The following CHRM3 variants were observed in gnomAD, a reference collection of about 807,000 sequenced individuals.
CHRM3 encodes the protein cholinergic receptor muscarinic 3, also known as muscarinic acetylcholine receptor M3.
A neutral mutation model predicts 41.8 loss-of-function variants in CHRM3; 11 were observed. The observed-to-expected ratio is 0.26, with a 90% confidence interval of 0.17 to 0.44. The LOEUF is 0.44. Ranked by LOEUF, CHRM3 falls within the 20% of genes least tolerant of loss-of-function variation. CHRM3 has a pLI of 1.00. For missense variants in CHRM3, 571 were observed against 745.4 expected, an observed-to-expected ratio of 0.77 and a Z score of 2.72; for synonymous variants, 297 against 301.4, an observed-to-expected ratio of 0.99 and a Z score of 0.15.
intron 6 of CHRM3, among the ~76,000 whole-genome samples, chr1:239,885,134 A>C (rs1327687452): frequency 6.6e-6 from 1 of 152,330 alleles, no homozygotes; most frequent in Admixed American, 6.5e-5. Flanking sequence ...AGGAATAAAA[A>C]ATAATTGATA....
At chr1:239,794,938 A>G (rs1351824676) in intron 5 of CHRM3, among the ~76,000 whole-genome samples, 1 of 152,168 alleles carries the variant, frequency 6.6e-6, no homozygotes, top group Non-Finnish European at 1.5e-5. Flanking sequence ...CTCTGTAAAT[A>G]TCTGATATTG....
intron 6 of CHRM3, among the ~76,000 whole-genome samples, chr1:239,878,200 A>G (rs1352651075): frequency 6.6e-6 from 1 of 152,010 alleles, no homozygotes; most frequent in Non-Finnish European, 1.5e-5. Context: ...TGAAATAATT[A>G]TACAATTCAC....
chr1:239,418,333 T>TTGTG lies in CHRM3; in HGVS notation c.-521+31124_-521+31127dup, dbSNP rs145265251. On this transcript the variant is annotated intron_variant, in intron 1 of 6. Coordinates refer to ENST00000676153, the MANE Select transcript of CHRM3 (RefSeq NM_001375978.1). ...CTTTTAGCAGTGCTTAGATGTTGCT[T>TTGTG]TGTGTGTGTGTGTGTGTGTGTATCT... is the stretch of plus-strand genomic sequence containing the variant. 6.9e-3 allele frequency among the ~76,000 whole-genome samples: 1,046 copies of TTGTG among 150,518 alleles called. 4 individuals are homozygous for TTGTG. The highest frequency in any genetic ancestry group is 0.022 in the African/African-American group (905 of 41,168).
intron 5 of CHRM3, among the ~76,000 whole-genome samples, chr1:239,794,822 C>T (rs960622224): frequency 1.3e-5 from 2 of 152,146 alleles, no homozygotes; most frequent in Admixed American, 1.3e-4. Flanking sequence ...TGTTCTGTTA[C>T]TTATTTTCAA....
rs527630668 is a variant in CHRM3, at chr1:239,531,873, T to A, written c.-421-13768T>A. On this transcript the variant is annotated intron_variant, in intron 2 of 6. Transcript: ENST00000676153. ...ACGGGGTTTCACTGTGTTAGCCAGG[T>A]TGGTCTCAATCTCCTGACCTCGTGA... Among the ~76,000 whole-genome samples the A allele has an allele frequency of 4.5e-3, 669 of 149,398 alleles. 1 individual carries two copies. Among genetic ancestry groups the A allele is most frequent in the Non-Finnish European group, 6.9e-3 (465 of 67,280 alleles).
At chr1:239,543,055 G>T (rs965328018) in intron 2 of CHRM3, among the ~76,000 whole-genome samples, 3 of 152,094 alleles carry the variant, frequency 2.0e-5, no homozygotes, top group African/African-American at 7.2e-5. Flanking sequence ...TCTGTTTGTT[G>T]TTATCATCAC....
Position 239,644,753 on chromosome 1 carries a change from G to C in CHRM3, c.-250+12467G>C, listed in dbSNP as rs572771574. Among the ~76,000 whole-genome samples, 45 of 152,302 alleles carry C rather than the reference G, an allele frequency of 3.0e-4. No individual in the cohort carries two copies. The South Asian group carries it at 8.9e-3, about 30-fold the overall frequency. Reference sequence around the variant, plus strand: ...ATACAGATGGTGATTCAGAAGGGCTGAGCTTTTGTATTTCTGACAAGCTTT... The same window carrying C: ...ATACAGATGGTGATTCAGAAGGGCTCAGCTTTTGTATTTCTGACAAGCTTT... On this transcript the variant is annotated intron_variant, in intron 4 of 6. Coordinates refer to ENST00000676153, the MANE Select transcript of CHRM3 (RefSeq NM_001375978.1).
chr1:239,555,680 G>A lies in CHRM3; in HGVS notation c.-313+9931G>A, dbSNP rs576835310. The stretch of plus-strand genomic sequence containing the variant: ...CTTAATCTGCATGCAATTAAAAGTA[G>A]GTATAAATATGATTAAAGAACTGCC... On this transcript the variant is annotated intron_variant, in intron 3 of 6. Coordinates refer to ENST00000676153, the MANE Select transcript of CHRM3 (RefSeq NM_001375978.1). 2.0e-5 allele frequency among the ~76,000 whole-genome samples: 3 copies of A among 152,280 alleles called. No homozygotes were observed. The East Asian group carries it at 5.8e-4, about 29-fold the overall frequency.
At chr1:239,761,250 A>C (rs686360) in intron 5 of CHRM3, among the ~76,000 whole-genome samples, 6 of 151,808 alleles carry the variant, frequency 4.0e-5, no homozygotes, top group African/African-American at 1.2e-4. Context: ...TTTATGCCTT[A>C]TATGATTTTC....
chr1:239,810,816 C>T (rs552748737), intron 5 of CHRM3, among the ~76,000 whole-genome samples: 1 of 152,334 alleles, frequency 6.6e-6, no homozygotes, highest in African/African-American at 2.4e-5. Flanking sequence ...CAGTAGTTGT[C>T]CTCATTTGAC....
intron 1 of CHRM3, among the ~76,000 whole-genome samples, chr1:239,398,428 G>A (rs990189148): frequency 1.3e-5 from 2 of 151,558 alleles, no homozygotes; most frequent in Admixed American, 1.3e-4. Flanking sequence ...TAGAAACGGG[G>A]TTTCACCATG....
At chr1:239,505,301 TGA>T (rs1668497310) in intron 2 of CHRM3, among the ~76,000 whole-genome samples, 3 of 151,420 alleles carry the variant, frequency 2.0e-5, no homozygotes, top group Non-Finnish European at 4.4e-5. Flanking sequence ...ATGATGATGA[TGA>T]TGATTGATAT....
At chr1:239,593,286 A>AT (rs1172477907) in intron 3 of CHRM3, among the ~76,000 whole-genome samples, 3 of 151,792 alleles carry the variant, frequency 2.0e-5, no homozygotes, top group Non-Finnish European at 2.9e-5. Flanking sequence ...TAGCCCTGCC[A>AT]TTTTTTTCCT....
At chr1:239,399,599 T>A (rs1200067656) in intron 1 of CHRM3, among the ~76,000 whole-genome samples, 1 of 152,196 alleles carries the variant, frequency 6.6e-6, no homozygotes, top group East Asian at 1.9e-4. Context: ...AGATGTGGCA[T>A]TGGTCTTTCT....
At chr1:239,804,350 T>A (rs989343592) in intron 5 of CHRM3, among the ~76,000 whole-genome samples, 9 of 151,692 alleles carry the variant, frequency 5.9e-5, no homozygotes, top group African/African-American at 2.2e-4. Flanking sequence ...GTGTTTTTTT[T>A]TTATTATTAT....
intron 4 of CHRM3, among the ~76,000 whole-genome samples, chr1:239,636,935 G>A (rs1309600433): frequency 6.6e-6 from 1 of 152,134 alleles, no homozygotes; most frequent in Non-Finnish European, 1.5e-5. Context: ...CACATAAAAT[G>A]GCAATATTTG....
At chr1:239,880,831 C>A (rs912990183) in intron 6 of CHRM3, among the ~76,000 whole-genome samples, 3 of 152,104 alleles carry the variant, frequency 2.0e-5, no homozygotes, top group African/African-American at 7.2e-5. Flanking sequence ...TAGAAGCAAG[C>A]AACTAAAAGC....
At chr1:239,492,334 A>G (rs1667607648) in intron 1 of CHRM3, among the ~76,000 whole-genome samples, 2 of 152,152 alleles carry the variant, frequency 1.3e-5, no homozygotes, top group Non-Finnish European at 2.9e-5. Flanking sequence ...TAGATTTTGT[A>G]AGATATTAAA....
chr1:239,824,228 C>T (rs925991271), intron 5 of CHRM3, among the ~76,000 whole-genome samples: 1 of 152,108 alleles, frequency 6.6e-6, no homozygotes, highest in African/African-American at 2.4e-5. Flanking sequence ...AATTTTATCA[C>T]CAGAGATGCC....
Sources: gnomAD v4.1 joint callset for allele counts (sites outside exome capture counted in the v4.1 genomes callset) on GRCh38, gnomAD v4.1.1 for gene constraint, MANE v1.5 for transcripts, NCBI Gene and HGNC (gene_info 2026-07-23, HGNC 2026-07-21) for gene names.